POMC: variants seen among roughly 807,000 people sequenced by gnomAD.
POMC encodes the protein proopiomelanocortin, also known as pro-opiomelanocortin.
POMC carries 19 observed loss-of-function variants against 18.5 expected under a neutral mutation model. The ratio of observed to expected loss-of-function variants is 1.03; its 90% confidence interval spans 0.72 to 1.51. The LOEUF (loss-of-function observed/expected upper bound fraction) is 1.51, where lower values mean the gene tolerates loss of function less well. Ranked by LOEUF, POMC falls within the 40% of genes most tolerant of loss-of-function variation. The pLI, the probability that POMC is intolerant of heterozygous loss-of-function variation, is 0.00. For synonymous variants in POMC, 179 were observed against 161.9 expected (o/e 1.11, Z -0.80); for missense variants, 451 against 379.0 (o/e 1.19, Z -1.58).
At chr2:25,163,882 C>G (rs1558630051) in intron 2 of POMC, among the ~76,000 whole-genome samples, 1 of 152,152 alleles carries the variant, frequency 6.6e-6, no homozygotes, top group Non-Finnish European at 1.5e-5. Flanking sequence ...ACCTTAGCAT[C>G]TAAAAGTGCT....
intron 1 of POMC, 139 bp from the exon 2 acceptor site, chr2:25,164,931 T>G (rs570382495): frequency 1.1e-6 from 1 of 885,018 alleles, no homozygotes; most frequent in Admixed American, 2.1e-5. Flanking sequence ...GCAGCAATGC[T>G]GAGAAAGGAG....
intron 1 of POMC, among the ~76,000 whole-genome samples, chr2:25,167,666 G>T (rs962651732): frequency 1.3e-5 from 2 of 152,120 alleles, no homozygotes; most frequent in Non-Finnish European, 2.9e-5. Flanking sequence ...CGGCCACCTC[G>T]GGTGCGCTAA....
intron 1 of POMC, among the ~76,000 whole-genome samples, chr2:25,165,444 T>C (rs1671521349): frequency 6.6e-6 from 1 of 152,210 alleles, no homozygotes; most frequent in Non-Finnish European, 1.5e-5. Context: ...TGGTGATCAC[T>C]ATTACCCAGA....
intron 1 of POMC, among the ~76,000 whole-genome samples, chr2:25,167,282 C>CA (rs940626086): frequency 1.7e-4 from 26 of 152,088 alleles, no homozygotes; most frequent in South Asian, 8.3e-4. Flanking sequence ...GACACACACA[C>CA]AAAAAAAATC....
At chr2:25,164,619 A>G in intron 2 of POMC, 22 bp downstream of exon 2, 1 of 1,613,938 alleles carries the variant, frequency 6.2e-7, no homozygotes, top group Non-Finnish European at 8.5e-7. Flanking sequence ...CTAAGCCAAG[A>G]TGGCAGTCAT....
At position 25,168,235 on chromosome 2, in the gene POMC, G is replaced by C. The variant is rs1671624362; in HGVS notation, c.-21+263C>G. On this transcript the variant is annotated intron_variant, in intron 1 of 2. Coordinates refer to ENST00000395826, the MANE Select transcript of POMC (RefSeq NM_000939.4). The surrounding 1 kb of genome is among the most constrained non-coding windows in gnomAD (Gnocchi z 5.2). The stretch of plus-strand genomic sequence containing the variant: ...CTCCGGACCGCCGCGAGCCCCTGGG[G>C]GAGAGGAGGCCGCCGGCTCCCTGGA... Among the ~76,000 whole-genome samples, 1 of 152,170 alleles carries C rather than the reference G, an allele frequency of 6.6e-6. No homozygotes were observed. The highest frequency in any genetic ancestry group is 2.1e-4 in the South Asian group (1 of 4,836).
Position 25,164,737 on chromosome 2 carries a change from C to T in POMC, c.36G>A (p.Leu12=), listed in dbSNP as rs1671497877. 6.2e-7 allele frequency: 1 copy of T among 1,614,054 alleles called. No homozygotes were observed. The highest frequency in any genetic ancestry group is 8.5e-7 in the Non-Finnish European group (1 of 1,180,056). ...PRSCCSRSGA[L]LLALLLQASM... The stretch of plus-strand genomic sequence containing the variant: ...AGGCCTGAAGCAGCAAGGCCAGCAA[C>T]AGGGCCCCCGAGCGGCTGCAGCACG... The change falls in exon 2 of 3, where the codon CTG becomes CTA. Residue 12 remains leucine (L), a synonymous_variant. Transcript: ENST00000395826.
At chr2:25,162,355 C>T (rs1671422083) in intron 2 of POMC, among the ~76,000 whole-genome samples, 1 of 152,094 alleles carries the variant, frequency 6.6e-6, no homozygotes. Flanking sequence ...GAGCCTGAGG[C>T]AGGAGAACCG....
Position 25,161,323 on chromosome 2 carries a change from C to T in POMC, c.562G>A (p.Gly188Arg). The T allele has an allele frequency of 6.2e-7, 1 of 1,607,492 alleles. No homozygotes were observed. The highest frequency in any genetic ancestry group is 8.5e-7 in the Non-Finnish European group (1 of 1,177,372). Residue 188 changes from glycine to arginine, a missense_variant, in exon 3 of 3, where the codon GGA becomes AGA. Transcript: ENST00000395826. This position sits in a 1 kb window ranked among gnomAD's most constrained non-coding sequence, Gnocchi z 5.7. ...TCGGCAGGGCCGTCGGGGCCATCTC[C>T]CTCCCGGAGTCGCTGGCCAGTCAGC... is the stretch of plus-strand genomic sequence containing the variant. Reference protein sequence around the residue: ...RELTGQRLREGDGPDGPADDG... With the variant: ...RELTGQRLRERDGPDGPADDG...
intron 1 of POMC, 57 bp from the exon 2 acceptor site, chr2:25,164,849 A>G: frequency 6.3e-7 from 1 of 1,592,628 alleles, no homozygotes; most frequent in Non-Finnish European, 8.6e-7. Flanking sequence ...AATGTTGGCC[A>G]CTCACCAGGA....
At chr2:25,163,292 C>T (rs535173037) in intron 2 of POMC, among the ~76,000 whole-genome samples, 1 of 152,354 alleles carries the variant, frequency 6.6e-6, no homozygotes, top group African/African-American at 2.4e-5. Flanking sequence ...CAAGGTCCCA[C>T]ACCTCAAAAC....
chr2:25,168,288 C>G lies in POMC; in HGVS notation c.-21+210G>C, dbSNP rs898553929. ...CAGCGCCTGCAGCTTCGCGGCCGTC[C>G]GCCCAGGGGCCGGACGTGGGCCCTC... On this transcript the variant is annotated intron_variant, in intron 1 of 2. Coordinates refer to ENST00000395826, the MANE Select transcript of POMC (RefSeq NM_000939.4). This position sits in a 1 kb window ranked among gnomAD's most constrained non-coding sequence, Gnocchi z 5.2. Among the ~76,000 whole-genome samples, 1 of 152,230 alleles carries G rather than the reference C, an allele frequency of 6.6e-6. No individual in the cohort carries two copies. Among genetic ancestry groups the G allele is most frequent in the Non-Finnish European group, 1.5e-5 (1 of 68,028 alleles).
At chr2:25,167,159 G>C (rs967351628) in intron 1 of POMC, among the ~76,000 whole-genome samples, 3 of 152,130 alleles carry the variant, frequency 2.0e-5, no homozygotes, top group Non-Finnish European at 4.4e-5. Flanking sequence ...AGGAGCACAG[G>C]GGCCGAGTTT....
rs558361902 is a variant in POMC at position 25,165,058 on chromosome 2, A to G, written c.-20-266T>C. The stretch of plus-strand genomic sequence containing the variant: ...AGACCCCTAAAAAGGTTAAGGCTGG[A>G]AGCTATTTTGGGGATTGCTTGGTTC... On this transcript the variant is annotated intron_variant, in intron 1 of 2. Coordinates refer to ENST00000395826, the MANE Select transcript of POMC (RefSeq NM_000939.4). 8.5e-5 allele frequency among the ~76,000 whole-genome samples: 13 copies of G among 152,350 alleles called. No individual in the cohort carries two copies. The East Asian group carries it at 1.9e-3, about 23-fold the overall frequency.
rs1365895789 is a variant in POMC, at chr2:25,168,340, GC to G, written c.-21+157del. On this transcript the variant is annotated intron_variant, in intron 1 of 2. Transcript: ENST00000395826. The surrounding 1 kb of genome is among the most constrained non-coding windows in gnomAD (Gnocchi z 5.2). ...AGCTCAGCTACTGGCGGCTTCTCAT[GC>G]CGCAGTCGGCGCAGAAAGTTTGTCG... is the stretch of plus-strand genomic sequence containing the variant. Among the ~76,000 whole-genome samples the G allele has an allele frequency of 6.6e-6, 1 of 152,170 alleles. No homozygotes were observed. The highest frequency in any genetic ancestry group is 2.4e-5 in the African/African-American group (1 of 41,430).
Position 25,161,736 on chromosome 2 carries a change from C to G in POMC, c.149G>C (p.Cys50Ser), listed in dbSNP as rs781250236. ...ESNLLECIRA[C>S]KPDLSAETPM... ...AGTCTCGGCCGAGAGGTCGGGCTTG[C>G]AGGCCCGGATGCACTCCTGGGGGAA... The change falls in exon 3 of 3, where the codon TGC becomes TCC. Residue 50 changes from cysteine to serine, a missense_variant. Transcript: ENST00000395826. The surrounding 1 kb of genome is among the most constrained non-coding windows in gnomAD (Gnocchi z 5.7). The G allele has an allele frequency of 1.9e-6, 3 of 1,594,250 alleles. No individual in the cohort carries two copies. The East Asian group carries it at 6.9e-5, about 37-fold the overall frequency.
intron 1 of POMC, among the ~76,000 whole-genome samples, chr2:25,167,990 CTAAAA>C (rs1449496481): frequency 6.6e-6 from 1 of 152,088 alleles, no homozygotes; most frequent in Non-Finnish European, 1.5e-5. Flanking sequence ...TCCGTCTCTA[CTAAAA>C]ATACAAAAAT....
At position 25,160,937 on chromosome 2, in the gene POMC, T is replaced by G. The variant is rs1671324306; in HGVS notation, c.*144A>C. ...AGGTGGATGTGAAATTTGAAAGGTTTTATTTCCTAACTACAGGCAGCTTTA... is the reference window on the plus strand; with the variant it reads ...AGGTGGATGTGAAATTTGAAAGGTTGTATTTCCTAACTACAGGCAGCTTTA... On this transcript the variant is annotated 3_prime_UTR_variant, in exon 3 of 3. Coordinates refer to ENST00000395826, the MANE Select transcript of POMC (RefSeq NM_000939.4). The G allele has an allele frequency of 7.4e-7, 1 of 1,348,750 alleles. No homozygotes were observed. Among genetic ancestry groups the G allele is most frequent in the East Asian group, 2.4e-5 (1 of 41,156 alleles). The allele number at this position is 1,348,750 out of a possible 1,614,324, so 83.5% of individuals were successfully genotyped here.
At chr2:25,163,541 T>C (rs944466497) in intron 2 of POMC, among the ~76,000 whole-genome samples, 2 of 152,240 alleles carry the variant, frequency 1.3e-5, no homozygotes, top group Admixed American at 6.5e-5. Flanking sequence ...AATGTAGTTA[T>C]GTACATTCCA....
Sources: allele counts gnomAD v4.1 joint callset (sites outside exome capture counted in the v4.1 genomes callset), GRCh38; gene constraint gnomAD v4.1.1; non-coding constraint Gnocchi (gnomAD v3.1); transcripts MANE v1.5; gene names NCBI Gene and HGNC (gene_info 2026-07-23, HGNC 2026-07-21).